The following SDK1 variants were observed in gnomAD, a reference collection of about 807,000 sequenced individuals.
The protein encoded by SDK1 is protein sidekick-1.
Under a neutral mutation model 245.5 loss-of-function variants are expected in SDK1, and 157 were observed. The ratio of observed to expected loss-of-function variants is 0.64; its 90% confidence interval spans 0.56 to 0.73. SDK1 has a LOEUF of 0.73. Among genes scored for constraint, SDK1 ranks in the 30% least tolerant of loss-of-function variants. SDK1 has a pLI of 0.00. For synonymous variants in SDK1, 1,647 were observed against 1,278.5 expected, an observed-to-expected ratio of 1.29 and a Z score of -6.15; for missense variants, 3,583 against 3,002.3, an observed-to-expected ratio of 1.19 and a Z score of -4.52.
rs1554275927 is a variant in SDK1, at chr7:3,884,063, T to TTTTG, written c.847+62492_847+62495dup. The stretch of plus-strand genomic sequence containing the variant: ...TTGGTTTTTTGTTTGTTTGTTTGTT[T>TTTTG]TTTGTTTGTTTGTTTTTTTGTTTTT... On this transcript the variant is annotated intron_variant, in intron 5 of 44. Coordinates refer to ENST00000404826, the MANE Select transcript of SDK1 (RefSeq NM_152744.4). 4.5e-5 allele frequency among the ~76,000 whole-genome samples: 5 copies of TTTTG among 109,904 alleles called. No homozygotes were observed. The South Asian group carries it at 1.2e-3, about 26-fold the overall frequency. The allele number at this position is 109,904 out of a possible 152,430, so 72.1% of individuals were successfully genotyped here.
chr7:3,851,656 C>T (rs1355293315), intron 5 of SDK1, among the ~76,000 whole-genome samples: 2 of 151,832 alleles, frequency 1.3e-5, no homozygotes, highest in African/African-American at 2.4e-5. Flanking sequence ...TGGCATTGGG[C>T]GGCTTGATAT....
chr7:4,074,906 ATATATATATAT>A lies in SDK1; in HGVS notation c.3011-2090_3011-2080del, dbSNP rs1275866727. 3.4e-3 allele frequency among the ~76,000 whole-genome samples: 235 copies of A among 69,654 alleles called. 15 individuals carry two copies. The highest frequency in any genetic ancestry group is 0.025 in the African/African-American group (224 of 9,042). The allele number at this position is 69,654 out of a possible 152,430, so 45.7% of individuals were successfully genotyped here. On this transcript the variant is annotated intron_variant, in intron 20 of 44. Transcript: ENST00000404826. ...TCTCTGTATATATATATATATATAT[ATATATATATAT>A]TTTTTTTTTTTTTTAATAAAGTTAG... is the stretch of plus-strand genomic sequence containing the variant.
At chr7:3,642,587 C>T (rs1782686598) in intron 4 of SDK1, among the ~76,000 whole-genome samples, 1 of 152,126 alleles carries the variant, frequency 6.6e-6, no homozygotes, top group South Asian at 2.1e-4. Context: ...CCTACCATGA[C>T]AGTTTTATTT....
chr7:3,898,026 G>T (rs959883530), intron 5 of SDK1, among the ~76,000 whole-genome samples: 2 of 152,002 alleles, frequency 1.3e-5, no homozygotes, highest in African/African-American at 4.8e-5. Context: ...GCCGCCGTGT[G>T]CACACACACC....
At position 3,872,565 on chromosome 7, in the gene SDK1, G is replaced by C. The variant is rs78135237; in HGVS notation, c.847+50982G>C. The stretch of plus-strand genomic sequence containing the variant: ...TAAGTTGTTGAATTTATGGTCATAG[G>C]ATTGTTTTTGGTATCTTTTTTTTTT... On this transcript the variant is annotated intron_variant, in intron 5 of 44. Transcript: ENST00000404826. 2.7e-3 allele frequency among the ~76,000 whole-genome samples: 385 copies of C among 144,642 alleles called. 4 individuals carry two copies. In the East Asian group the frequency reaches 0.052, roughly 19 times the overall value. 94.9% of individuals were successfully genotyped at this position (144,642 alleles called of 152,430 possible).
At chr7:3,598,091 A>G (rs911859141) in intron 1 of SDK1, among the ~76,000 whole-genome samples, 6 of 152,200 alleles carry the variant, frequency 3.9e-5, no homozygotes, top group African/African-American at 1.4e-4. Context: ...CTATTTGCCT[A>G]CATTTAGTGT....
intron 5 of SDK1, among the ~76,000 whole-genome samples, chr7:3,871,940 A>G (rs1255285982): frequency 6.6e-6 from 1 of 152,166 alleles, no homozygotes; most frequent in African/African-American, 2.4e-5. Flanking sequence ...AGCTATATGT[A>G]TTTTGTGGAT....
At chr7:3,699,440 G>A (rs1168687326) in intron 4 of SDK1, among the ~76,000 whole-genome samples, 1 of 152,122 alleles carries the variant, frequency 6.6e-6, no homozygotes, top group African/African-American at 2.4e-5. Flanking sequence ...AGAAATAGAA[G>A]AGATAATAGA....
chr7:4,226,477 A>AC (rs950595833), intron 40 of SDK1, among the ~76,000 whole-genome samples: 16 of 151,452 alleles, frequency 1.1e-4, no homozygotes, highest in Admixed American at 3.3e-4. Context: ...CCTTCCTTAC[A>AC]CCCCCCGCAC....
intron 5 of SDK1, among the ~76,000 whole-genome samples, chr7:3,850,217 T>TA (rs1303325345): frequency 3.9e-5 from 6 of 152,232 alleles, no homozygotes; most frequent in Non-Finnish European, 8.8e-5. Context: ...TTTGGCAAGC[T>TA]AAGAAGCCTT....
chr7:3,437,883 C>G (rs577198291), intron 1 of SDK1, among the ~76,000 whole-genome samples: 1 of 152,164 alleles, frequency 6.6e-6, no homozygotes, highest in Non-Finnish European at 1.5e-5. Flanking sequence ...GAAGGGATTA[C>G]GTAGTTGACA....
At chr7:4,259,011 C>A (rs775038832) in intron 44 of SDK1, among the ~76,000 whole-genome samples, 3 of 152,156 alleles carry the variant, frequency 2.0e-5, no homozygotes, top group Non-Finnish European at 4.4e-5. Context: ...AGTAACAAAC[C>A]CAATTCAGGG....
chr7:3,412,060 G>C (rs1035450177), intron 1 of SDK1, among the ~76,000 whole-genome samples: 1 of 152,116 alleles, frequency 6.6e-6, no homozygotes, highest in Non-Finnish European at 1.5e-5. Context: ...AGCAAAGATG[G>C]AGAGAAAGAA....
intron 16 of SDK1, among the ~76,000 whole-genome samples, chr7:4,016,511 C>T (rs1786409984): frequency 6.6e-6 from 1 of 152,232 alleles, no homozygotes; most frequent in African/African-American, 2.4e-5. Context: ...CTAATTTATA[C>T]ACCCTAAGTC....
At chr7:3,523,336 T>A (rs1379149848) in intron 1 of SDK1, among the ~76,000 whole-genome samples, 1 of 152,212 alleles carries the variant, frequency 6.6e-6, no homozygotes, top group African/African-American at 2.4e-5. Flanking sequence ...CAGTCTGTGC[T>A]GGCATAGGGC....
chr7:3,863,537 T>C (rs2115121310), intron 5 of SDK1, among the ~76,000 whole-genome samples: 1 of 152,338 alleles, frequency 6.6e-6, no homozygotes, highest in Non-Finnish European at 1.5e-5. Context: ...AACTTTTCCA[T>C]CGTGCCAAAC....
chr7:3,338,351 C>G, intron 1 of SDK1: 1 of 508,386 alleles, frequency 2.0e-6, no homozygotes, highest in Non-Finnish European at 3.7e-6. Context: ...GCATTGTAAA[C>G]AAACAAGGTC....
In SDK1 at chr7:4,268,487, A is replaced by G; in HGVS notation, c.*3103A>G. 8.5e-7 allele frequency: 1 copy of G among 1,176,232 alleles called. No homozygotes were observed. The highest frequency in any genetic ancestry group is 1.6e-5 in the South Asian group (1 of 62,132). The allele number at this position is 1,176,232 out of a possible 1,614,324, so 72.9% of individuals were successfully genotyped here. ...CTTCACTCAATGCTGTAGCCAAAAA[A>G]CGAGGGGCCCCAGGGAGAGGGGACC... On this transcript the variant is annotated 3_prime_UTR_variant, in exon 45 of 45. Transcript: ENST00000404826.
intron 6 of SDK1, among the ~76,000 whole-genome samples, 189 bp downstream of exon 6, chr7:3,951,223 C>A (rs1201208687): frequency 6.6e-6 from 1 of 152,024 alleles, no homozygotes; most frequent in African/African-American, 2.4e-5. Context: ...TCCAGAGTCC[C>A]CCACTGCAAC....
Sources: allele counts gnomAD v4.1 joint callset (sites outside exome capture counted in the v4.1 genomes callset), GRCh38; gene constraint gnomAD v4.1.1; transcripts MANE v1.5; gene names NCBI Gene and HGNC (gene_info 2026-07-23, HGNC 2026-07-21).